SLC9A9: variants seen among roughly 807,000 people sequenced by gnomAD.
SLC9A9 encodes sodium/hydrogen exchanger 9.
SLC9A9 carries 62 observed loss-of-function variants against 77.8 expected under a neutral mutation model. The ratio of observed to expected loss-of-function variants is 0.80; its 90% confidence interval spans 0.65 to 0.98. The LOEUF (loss-of-function observed/expected upper bound fraction) is 0.98, where lower values mean the gene tolerates loss of function less well. Ranked by LOEUF, SLC9A9 falls within the 50% of genes least tolerant of loss-of-function variation. SLC9A9 has a pLI of 0.00. For missense variants in SLC9A9, 775 were observed against 774.9 expected (o/e 1.00, Z 0.00); for synonymous variants, 320 against 283.5 (o/e 1.13, Z -1.29).
At chr3:143,476,630 G>C (rs2035482847) in intron 11 of SLC9A9, among the ~76,000 whole-genome samples, 1 of 152,222 alleles carries the variant, frequency 6.6e-6, no homozygotes, top group Non-Finnish European at 1.5e-5. Flanking sequence ...GGCTAACATA[G>C]ATCGGAAGAA....
intron 12 of SLC9A9, among the ~76,000 whole-genome samples, chr3:143,464,876 C>T (rs2035257797): frequency 6.6e-6 from 1 of 152,164 alleles, no homozygotes; most frequent in African/African-American, 2.4e-5. Context: ...GGGTTTACTT[C>T]CTGGGTGCCC....
At chr3:143,407,809 T>C (rs947659942) in intron 12 of SLC9A9, among the ~76,000 whole-genome samples, 1 of 152,244 alleles carries the variant, frequency 6.6e-6, no homozygotes, top group East Asian at 1.9e-4. Flanking sequence ...AATTTTAATA[T>C]GCATACTCAT....
chr3:143,630,177 A>C (rs2038398546), intron 6 of SLC9A9, among the ~76,000 whole-genome samples: 1 of 152,208 alleles, frequency 6.6e-6, no homozygotes, highest in Non-Finnish European at 1.5e-5. Context: ...TTCATCAAGG[A>C]GATGCTTCAA....
chr3:143,673,818 C>T (rs1257667621), intron 5 of SLC9A9, among the ~76,000 whole-genome samples: 1 of 151,884 alleles, frequency 6.6e-6, no homozygotes, highest in Non-Finnish European at 1.5e-5. Context: ...GTAGCTATTA[C>T]AAAAAGCAGA....
intron 6 of SLC9A9, among the ~76,000 whole-genome samples, chr3:143,620,877 G>C (rs1250377050): frequency 6.6e-6 from 1 of 152,146 alleles, no homozygotes; most frequent in Non-Finnish European, 1.5e-5. Context: ...CGAAGAAAGG[G>C]GTGACAGACG....
intron 6 of SLC9A9, among the ~76,000 whole-genome samples, chr3:143,608,625 TA>T (rs1481414651): frequency 6.6e-6 from 1 of 152,206 alleles, no homozygotes; most frequent in East Asian, 1.9e-4. Context: ...TACTGGTAGC[TA>T]AATGCAATGT....
chr3:143,612,256 T>C (rs2038035282), intron 6 of SLC9A9, among the ~76,000 whole-genome samples: 1 of 152,210 alleles, frequency 6.6e-6, no homozygotes, highest in Admixed American at 6.5e-5. Flanking sequence ...AGTTAAACTT[T>C]GCATTTTCAA....
chr3:143,515,985 C>T (rs2036197023), intron 9 of SLC9A9, among the ~76,000 whole-genome samples: 1 of 152,166 alleles, frequency 6.6e-6, no homozygotes, highest in South Asian at 2.1e-4. Context: ...AGGTAGAACT[C>T]ACCTAGGAAA....
chr3:143,743,301 A>G (rs1303534756), intron 4 of SLC9A9, among the ~76,000 whole-genome samples: 2 of 149,258 alleles, frequency 1.3e-5, no homozygotes, highest in Non-Finnish European at 2.9e-5. Context: ...ACAGACAGAT[A>G]GATAGATGAT....
At chr3:143,337,814 G>A (rs979341328) in intron 14 of SLC9A9, among the ~76,000 whole-genome samples, 2 of 152,298 alleles carry the variant, frequency 1.3e-5, no homozygotes, top group Admixed American at 1.3e-4. Flanking sequence ...CTTTGGCCTT[G>A]TGCCCAGATC....
intron 4 of SLC9A9, among the ~76,000 whole-genome samples, chr3:143,730,859 T>TAA (rs200348570): frequency 6.6e-6 from 1 of 150,578 alleles, no homozygotes; most frequent in African/African-American, 2.4e-5. Context: ...CAGCATGACT[T>TAA]AAAAAAAAAG....
At chr3:143,669,354 T>C (rs1367143142) in intron 5 of SLC9A9, among the ~76,000 whole-genome samples, 1 of 152,194 alleles carries the variant, frequency 6.6e-6, no homozygotes, top group African/African-American at 2.4e-5. Context: ...ACTGCTTTCA[T>C]TTAAACGGAG....
chr3:143,411,456 CTT>C (rs1196100720), intron 12 of SLC9A9, among the ~76,000 whole-genome samples: 7 of 152,152 alleles, frequency 4.6e-5, no homozygotes, highest in Non-Finnish European at 8.8e-5. Context: ...CTCCAAGTCT[CTT>C]TTATTTTTCC....
chr3:143,329,503 G>A (rs1416357920), intron 14 of SLC9A9, among the ~76,000 whole-genome samples: 1 of 152,168 alleles, frequency 6.6e-6, no homozygotes, highest in Non-Finnish European at 1.5e-5. Context: ...TGGGGAGGGG[G>A]TGCAAATAAC....
chr3:143,273,005 C>T (rs984561064), intron 14 of SLC9A9, among the ~76,000 whole-genome samples: 3 of 152,208 alleles, frequency 2.0e-5, no homozygotes, highest in Non-Finnish European at 4.4e-5. Context: ...AACAGCAGGT[C>T]CAGAGCTAAA....
intron 5 of SLC9A9, among the ~76,000 whole-genome samples, chr3:143,678,450 C>A (rs1201111475): frequency 6.6e-6 from 1 of 151,852 alleles, no homozygotes; most frequent in East Asian, 1.9e-4. Flanking sequence ...CATTTTAATT[C>A]TTCTAAATAT....
At chr3:143,761,277 C>T (rs2007112571) in intron 4 of SLC9A9, among the ~76,000 whole-genome samples, 1 of 152,160 alleles carries the variant, frequency 6.6e-6, no homozygotes, top group Non-Finnish European at 1.5e-5. Flanking sequence ...AGGACACAGG[C>T]AGAGGCAAGG....
At chr3:143,438,971 G>C (rs141813080) in intron 12 of SLC9A9, among the ~76,000 whole-genome samples, 107 of 152,272 alleles carry the variant, frequency 7.0e-4, no homozygotes, top group African/African-American at 2.5e-3. Context: ...TGTTGATTTG[G>C]TCATTTATTC....
At chr3:143,550,200 T>C (rs2036855943) in intron 9 of SLC9A9, among the ~76,000 whole-genome samples, 1 of 152,168 alleles carries the variant, frequency 6.6e-6, no homozygotes, top group Non-Finnish European at 1.5e-5. Flanking sequence ...AAATCCTGTT[T>C]AGGAATTTCT....
Sources: gnomAD v4.1 joint callset for allele counts (sites outside exome capture counted in the v4.1 genomes callset) on GRCh38, gnomAD v4.1.1 for gene constraint, MANE v1.5 for transcripts, NCBI Gene and HGNC (gene_info 2026-07-23, HGNC 2026-07-21) for gene names.